The following RBFOX1 variants were observed in gnomAD, a reference collection of about 807,000 sequenced individuals.
RBFOX1 encodes RNA binding protein fox-1 homolog 1.
RBFOX1 carries 8 observed loss-of-function variants against 57.7 expected under a neutral mutation model. That is an observed-to-expected ratio of 0.14 (90% CI 0.08 to 0.25). RBFOX1 has a LOEUF of 0.25. RBFOX1 is among the 10% of genes least tolerant of loss of function. The pLI is 1.00. For missense variants in RBFOX1, 611 were observed against 548.5 expected, an observed-to-expected ratio of 1.11 and a Z score of -1.14; for synonymous variants, 326 against 222.4, an observed-to-expected ratio of 1.47 and a Z score of -4.15.
chr16:6,656,807 C>T (rs548908674), intron 3 of RBFOX1, among the ~76,000 whole-genome samples: 1 of 152,030 alleles, frequency 6.6e-6, no homozygotes, highest in Non-Finnish European at 1.5e-5. Flanking sequence ...AAATAATGCC[C>T]AGTTAAAATT....
chr16:5,816,500 C>T (rs2055643517), intron 3 of RBFOX1, among the ~76,000 whole-genome samples: 2 of 152,160 alleles, frequency 1.3e-5, no homozygotes, highest in South Asian at 2.1e-4. Context: ...CTATCTGAAG[C>T]TCCTTTCTCA....
chr16:5,660,496 C>T (rs1041530892), intron 3 of RBFOX1, among the ~76,000 whole-genome samples: 14 of 152,126 alleles, frequency 9.2e-5, no homozygotes, highest in Non-Finnish European at 1.6e-4. Context: ...GAATGCCATA[C>T]GTTGTGTGTG....
chr16:7,027,260 G>T (rs1447014155), intron 3 of RBFOX1, among the ~76,000 whole-genome samples: 1 of 152,156 alleles, frequency 6.6e-6, no homozygotes, highest in Non-Finnish European at 1.5e-5. Context: ...ACAAGTAAAT[G>T]AATAGAGAGG....
intron 4 of RBFOX1, among the ~76,000 whole-genome samples, chr16:7,053,879 T>G (rs1184510358): frequency 6.6e-6 from 1 of 152,154 alleles, no homozygotes; most frequent in Non-Finnish European, 1.5e-5. Context: ...TAAATGAATT[T>G]ATGTTTTGAA....
chr16:6,764,070 C>T (rs922296722), intron 3 of RBFOX1, among the ~76,000 whole-genome samples: 1 of 152,164 alleles, frequency 6.6e-6, no homozygotes, highest in Non-Finnish European at 1.5e-5. Flanking sequence ...CCTTATTAAT[C>T]ACTCATAACG....
At chr16:6,637,411 TATATA>T (rs1210529423) in intron 2 of RBFOX1, among the ~76,000 whole-genome samples, 407 of 31,032 alleles carry the variant, frequency 0.013, 11 homozygotes, top group Non-Finnish European at 0.018. Flanking sequence ...ATATATATAT[TATATA>T]ATATATAAAT....
intron 2 of RBFOX1, among the ~76,000 whole-genome samples, chr16:6,571,581 A>T (rs2097345218): frequency 6.6e-6 from 1 of 152,066 alleles, no homozygotes; most frequent in South Asian, 2.1e-4. Context: ...AACATCAAGG[A>T]CCTGTTGCTT....
At chr16:5,379,479 C>G (rs1267626008) in intron 1 of RBFOX1, among the ~76,000 whole-genome samples, 1 of 147,192 alleles carries the variant, frequency 6.8e-6, no homozygotes, top group South Asian at 2.1e-4. Context: ...CTGAATGACA[C>G]AGTCATTCAC....
At chr16:6,430,126 A>C (rs764845252) in intron 2 of RBFOX1, among the ~76,000 whole-genome samples, 7 of 147,490 alleles carry the variant, frequency 4.7e-5, no homozygotes, top group Non-Finnish European at 7.4e-5. Flanking sequence ...AAAAAAAAAA[A>C]CAGAAAAACA....
intron 4 of RBFOX1, among the ~76,000 whole-genome samples, chr16:7,513,447 G>C (rs2075660003): frequency 1.3e-5 from 2 of 152,092 alleles, no homozygotes. Context: ...TTGATGACAA[G>C]GTAAATTGAG....
intron 4 of RBFOX1, among the ~76,000 whole-genome samples, chr16:5,899,542 G>A (rs185590481): frequency 6.6e-6 from 1 of 152,132 alleles, no homozygotes. Context: ...TGAATTCCAC[G>A]GGTTTCACAG....
chr16:6,002,636 C>A (rs1394136218), intron 4 of RBFOX1, among the ~76,000 whole-genome samples: 3 of 152,174 alleles, frequency 2.0e-5, no homozygotes, highest in Non-Finnish European at 4.4e-5. Flanking sequence ...CTTTCTTCTC[C>A]TACCGTTCTG....
chr16:5,386,589 A>C (rs74667025), intron 1 of RBFOX1, among the ~76,000 whole-genome samples: 7,316 of 151,828 alleles, frequency 0.048, 246 homozygotes, highest in East Asian at 0.13. Flanking sequence ...CTCTCTCTTA[A>C]CCCTTGTGTG....
intron 2 of RBFOX1, among the ~76,000 whole-genome samples, chr16:6,420,744 A>G (rs1444744559): frequency 6.6e-6 from 1 of 152,228 alleles, no homozygotes; most frequent in African/African-American, 2.4e-5. Flanking sequence ...TTGAACCAAT[A>G]TCAGTGCAGA....
intron 2 of RBFOX1, among the ~76,000 whole-genome samples, chr16:6,576,652 G>C (rs1271166690): frequency 8.3e-6 from 1 of 120,152 alleles, no homozygotes; most frequent in Non-Finnish European, 2.0e-5. Flanking sequence ...TATTTTTGTT[G>C]GCAGGGTGAG....
chr16:7,436,005 T>C (rs2098718757), intron 4 of RBFOX1, among the ~76,000 whole-genome samples: 2 of 152,152 alleles, frequency 1.3e-5, no homozygotes, highest in African/African-American at 4.8e-5. Context: ...CGCTGTGATC[T>C]TCAGTTAATT....
At chr16:6,338,441 G>A (rs1280060249) in intron 2 of RBFOX1, among the ~76,000 whole-genome samples, 1 of 152,218 alleles carries the variant, frequency 6.6e-6, no homozygotes, top group Non-Finnish European at 1.5e-5. Flanking sequence ...CGTGTGCCTA[G>A]ATGGAAATCT....
intron 3 of RBFOX1, among the ~76,000 whole-genome samples, chr16:5,803,366 A>G (rs1287166815): frequency 1.3e-5 from 2 of 152,282 alleles, no homozygotes; most frequent in Middle Eastern, 3.4e-3. Flanking sequence ...TAGAGAGATA[A>G]CAGGTGCTTT....
chr16:6,797,177 AG>A (rs1477090849), intron 3 of RBFOX1, among the ~76,000 whole-genome samples: 3 of 152,200 alleles, frequency 2.0e-5, no homozygotes, highest in Non-Finnish European at 4.4e-5. Flanking sequence ...TTTGTTAGCA[AG>A]GATCAGTCTG....
Sources: allele counts gnomAD v4.1 joint callset (sites outside exome capture counted in the v4.1 genomes callset), GRCh38; gene constraint gnomAD v4.1.1; transcripts MANE v1.5; gene names NCBI Gene and HGNC (gene_info 2026-07-23, HGNC 2026-07-21).